Variants in NSMCE2 observed in about 807,000 individuals in gnomAD.
NSMCE2 encodes E3 SUMO-protein ligase NSE2.
Under a neutral mutation model 23.8 loss-of-function variants are expected in NSMCE2, and 24 were observed. The ratio of observed to expected loss-of-function variants is 1.01; its 90% CI spans 0.73 to 1.42. The LOEUF (loss-of-function observed/expected upper bound fraction) is 1.42. NSMCE2 is among the 40% of genes most tolerant of loss of function. The pLI, the probability that NSMCE2 is intolerant of heterozygous loss-of-function variation, is 0.00. For synonymous variants in NSMCE2, 92 were observed against 94.1 expected, an observed-to-expected ratio of 0.98 and a Z score of 0.13; for missense variants, 284 against 296.5, an observed-to-expected ratio of 0.96 and a Z score of 0.31.
In NSMCE2 at chr8:125,246,483, CA is replaced by C. The variant is rs1424532268; in HGVS notation, c.418+64232del. On this transcript the variant is annotated intron_variant, in intron 5 of 7. Transcript: ENST00000287437. ...AGGTGTGAGCCACCATGCCTGGCCC[CA>C]AAAATGTTTCTTAAATGACCAAAAT... Among the ~76,000 whole-genome samples the C allele has an allele frequency of 2.6e-5, 4 of 152,138 alleles. No individual in the cohort carries two copies. In the East Asian group the frequency reaches 7.7e-4, roughly 29 times the overall value.
intron 5 of NSMCE2, chr8:125,348,302 T>G (rs746019398): frequency 2.6e-5 from 4 of 152,208 alleles, no homozygotes; most frequent in Non-Finnish European, 2.9e-5. Context: ...GATTACATTA[T>G]ATTAATTCAA....
intron 3 of NSMCE2, among the ~76,000 whole-genome samples, chr8:125,145,345 C>T (rs1224107707): frequency 1.3e-5 from 2 of 152,082 alleles, no homozygotes; most frequent in African/African-American, 4.8e-5. Flanking sequence ...TAATGTAAAT[C>T]AGGGATTATC....
rs202116869 is a variant in NSMCE2, at chr8:125,099,688, G to C, written c.-110-2363G>C. ...ACATTAAGTCTTTTCAGGTGACCTTGACAAGAGCAGTTGCAGTGGAGTGAT... is the reference window on the plus strand; with the variant it reads ...ACATTAAGTCTTTTCAGGTGACCTTCACAAGAGCAGTTGCAGTGGAGTGAT... On this transcript the variant is annotated intron_variant, in intron 1 of 7. Transcript: ENST00000287437. Among the ~76,000 whole-genome samples the C allele has an allele frequency of 8.5e-5, 13 of 152,218 alleles. No homozygotes were observed. In the East Asian group the frequency reaches 2.5e-3, roughly 29 times the overall value.
intron 5 of NSMCE2, among the ~76,000 whole-genome samples, chr8:125,283,081 T>C (rs1827756166): frequency 6.6e-6 from 1 of 152,204 alleles, no homozygotes; most frequent in African/African-American, 2.4e-5. Context: ...ATTTTTCACA[T>C]CAGTAAGTGG....
At chr8:125,178,880 T>G (rs1822639714) in intron 4 of NSMCE2, among the ~76,000 whole-genome samples, 1 of 151,984 alleles carries the variant, frequency 6.6e-6, no homozygotes, top group African/African-American at 2.4e-5. Flanking sequence ...AAAATGATAA[T>G]AATAAGTCAT....
intron 5 of NSMCE2, among the ~76,000 whole-genome samples, chr8:125,284,925 GTAATT>G (rs1827837486): frequency 6.6e-6 from 1 of 152,184 alleles, no homozygotes; most frequent in South Asian, 2.1e-4. Context: ...TAACACCTGT[GTAATT>G]TATTTTTAAA....
chr8:125,141,841 G>A (rs1045870500), intron 3 of NSMCE2, among the ~76,000 whole-genome samples: 5 of 152,130 alleles, frequency 3.3e-5, no homozygotes, highest in Admixed American at 3.3e-4. Flanking sequence ...AGTGTTAGCT[G>A]CCCGTTCTTC....
intron 3 of NSMCE2, among the ~76,000 whole-genome samples, chr8:125,134,005 T>C (rs1036936263): frequency 6.6e-6 from 1 of 152,182 alleles, no homozygotes; most frequent in African/African-American, 2.4e-5. Flanking sequence ...GAATTTGCAT[T>C]TCTAACAAGT....
At chr8:125,097,526 T>TAGACCTTTC (rs1315388876) in intron 1 of NSMCE2, among the ~76,000 whole-genome samples, 1 of 152,200 alleles carries the variant, frequency 6.6e-6, no homozygotes, top group African/African-American at 2.4e-5. Context: ...CCTGATAATT[T>TAGACCTTTC]AGACCTTTCC....
intron 5 of NSMCE2, among the ~76,000 whole-genome samples, chr8:125,333,115 T>C (rs1424186097): frequency 6.6e-6 from 1 of 152,118 alleles, no homozygotes; most frequent in Non-Finnish European, 1.5e-5. Flanking sequence ...ACTCCAGACC[T>C]GCCGAATCAG....
At chr8:125,133,414 T>C (rs1359655751) in intron 3 of NSMCE2, among the ~76,000 whole-genome samples, 1 of 152,162 alleles carries the variant, frequency 6.6e-6, no homozygotes, top group Admixed American at 6.6e-5. Context: ...AGTTCTACAT[T>C]TGTTGAAAAC....
At chr8:125,117,321 A>G (rs867916901) in intron 3 of NSMCE2, among the ~76,000 whole-genome samples, 11 of 152,124 alleles carry the variant, frequency 7.2e-5, no homozygotes, top group African/African-American at 2.6e-4. Flanking sequence ...TCCCAGGTTC[A>G]AGCAATTCTC....
At chr8:125,276,302 G>T (rs1827447620) in intron 5 of NSMCE2, among the ~76,000 whole-genome samples, 1 of 152,128 alleles carries the variant, frequency 6.6e-6, no homozygotes, top group South Asian at 2.1e-4. Context: ...TTCCCACTCT[G>T]ATTTGCTTCC....
chr8:125,332,265 ATAGATTCT>A (rs1408917603), intron 5 of NSMCE2, among the ~76,000 whole-genome samples: 1 of 152,248 alleles, frequency 6.6e-6, no homozygotes, highest in Non-Finnish European at 1.5e-5. Context: ...TCTCTAATTC[ATAGATTCT>A]TAGAAAATTG....
intron 7 of NSMCE2, among the ~76,000 whole-genome samples, chr8:125,366,396 C>T (rs1392650653): frequency 1.3e-5 from 2 of 152,064 alleles, no homozygotes; most frequent in Non-Finnish European, 1.5e-5. Flanking sequence ...AAAAATTAGC[C>T]GGGCGTGGTG....
At chr8:125,247,873 T>TA (rs1160043228) in intron 5 of NSMCE2, among the ~76,000 whole-genome samples, 2 of 152,186 alleles carry the variant, frequency 1.3e-5, no homozygotes, top group Non-Finnish European at 2.9e-5. Flanking sequence ...TCTAGAGTAA[T>TA]AGAGTGCTAG....
Position 125,130,417 on chromosome 8 carries a change from C to T in NSMCE2, c.158-20754C>T, listed in dbSNP as rs555466103. ...TTGGAAGCAAGTAGCTCGCTGTATC[C>T]ACACTCAAGGGGACATAATTAAACT... is the stretch of plus-strand genomic sequence containing the variant. On this transcript the variant is annotated intron_variant, in intron 3 of 7. Transcript: ENST00000287437. The T allele has an allele frequency of 7.9e-5, 28 of 353,966 alleles. No individual in the cohort carries two copies. The East Asian group carries it at 2.1e-3, about 26-fold the overall frequency. The allele number at this position is 353,966 out of a possible 1,614,324, so 21.9% of individuals were successfully genotyped here. A position where few individuals can be genotyped will look rare whatever the true frequency, so the allele number is the denominator to read the frequency against.
intron 4 of NSMCE2, among the ~76,000 whole-genome samples, chr8:125,173,276 CAG>C (rs1205497739): frequency 6.6e-6 from 1 of 152,158 alleles, no homozygotes; most frequent in Non-Finnish European, 1.5e-5. Context: ...CCAGCAGAAC[CAG>C]AGTCGCAGTG....
At chr8:125,108,414 A>G (rs772259002) in intron 3 of NSMCE2, among the ~76,000 whole-genome samples, 1 of 152,236 alleles carries the variant, frequency 6.6e-6, no homozygotes, top group Admixed American at 6.5e-5. Flanking sequence ...TAGAAGGCTG[A>G]TACTAAGGCA....
Sources: gnomAD v4.1 joint callset for allele counts (sites outside exome capture counted in the v4.1 genomes callset) on GRCh38, gnomAD v4.1.1 for gene constraint, MANE v1.5 for transcripts, NCBI Gene and HGNC (gene_info 2026-07-23, HGNC 2026-07-21) for gene names.